Variants in VTI1A observed in about 807,000 individuals in gnomAD.
The protein encoded by VTI1A is vesicle transport through interaction with t-SNAREs homolog 1A.
VTI1A carries 22 observed loss-of-function variants against 34.9 expected under a neutral mutation model. That is an observed-to-expected ratio of 0.63 (90% CI 0.45 to 0.90). VTI1A has a LOEUF of 0.90. Ranked by LOEUF, VTI1A falls within the 40% of genes least tolerant of loss-of-function variation. The pLI, the probability that VTI1A is intolerant of heterozygous loss-of-function variation, is 0.00. For synonymous variants in VTI1A, 87 were observed against 97.3 expected, an observed-to-expected ratio of 0.89 and a Z score of 0.62; for missense variants, 268 against 275.6, an observed-to-expected ratio of 0.97 and a Z score of 0.20.
At chr10:112,469,916 T>A (rs1848022604) in intron 3 of VTI1A, among the ~76,000 whole-genome samples, 1 of 152,234 alleles carries the variant, frequency 6.6e-6, no homozygotes. Context: ...CTCCAGTGTC[T>A]GCCTCCTAAG....
At chr10:112,571,820 A>G (rs1008783478) in intron 5 of VTI1A, among the ~76,000 whole-genome samples, 1 of 152,180 alleles carries the variant, frequency 6.6e-6, no homozygotes, top group Non-Finnish European at 1.5e-5. Context: ...AAAAAAGAAC[A>G]CAATCATGTC....
At chr10:112,771,156 G>T (rs1851804773) in intron 7 of VTI1A, among the ~76,000 whole-genome samples, 1 of 152,200 alleles carries the variant, frequency 6.6e-6, no homozygotes, top group South Asian at 2.1e-4. Flanking sequence ...TCAAACCCAG[G>T]CACTGCCTCT....
chr10:112,657,803 TTGTG>T (rs142005527), intron 5 of VTI1A, among the ~76,000 whole-genome samples: 2 of 108,838 alleles, frequency 1.8e-5, no homozygotes, highest in Non-Finnish European at 4.1e-5. Flanking sequence ...GAACACTATA[TTGTG>T]TGTGTGTGTG....
chr10:112,585,461 C>G (rs1235928793), intron 5 of VTI1A, among the ~76,000 whole-genome samples: 1 of 152,124 alleles, frequency 6.6e-6, no homozygotes, highest in Non-Finnish European at 1.5e-5. Flanking sequence ...CATGAAAGAA[C>G]TTTCTGTACA....
At chr10:112,509,116 A>G (rs561821836) in intron 3 of VTI1A, among the ~76,000 whole-genome samples, 1 of 152,340 alleles carries the variant, frequency 6.6e-6, no homozygotes, top group African/African-American at 2.4e-5. Flanking sequence ...TTTGTATGCT[A>G]GAGGATAAAC....
chr10:112,631,963 A>T (rs1846146003), intron 5 of VTI1A, among the ~76,000 whole-genome samples: 2 of 152,214 alleles, frequency 1.3e-5, no homozygotes, highest in South Asian at 4.1e-4. Flanking sequence ...GTAATCTATG[A>T]ATCACTTATT....
At chr10:112,643,151 AT>A (rs200015635) in intron 5 of VTI1A, among the ~76,000 whole-genome samples, 8,724 of 123,330 alleles carry the variant, frequency 0.071, 804 homozygotes, top group East Asian at 0.37. Context: ...CACCTGGCTA[AT>A]TTTTTTTTTT....
intron 3 of VTI1A, among the ~76,000 whole-genome samples, chr10:112,500,276 A>G (rs1198682900): frequency 1.3e-5 from 2 of 151,994 alleles, no homozygotes; most frequent in Non-Finnish European, 2.9e-5. Flanking sequence ...CTCTACTACA[A>G]ATACAAAAAT....
chr10:112,447,337 C>G lies in VTI1A; in HGVS notation c.-37C>G. The G allele has an allele frequency of 6.2e-7, 1 of 1,603,564 alleles. No individual in the cohort carries two copies. Among genetic ancestry groups the G allele is most frequent in the Non-Finnish European group, 8.5e-7 (1 of 1,175,238 alleles). ...TGCCCCTCGAGGCCCTTTCCCTGAC[C>G]TAGGCTTTGGCCTGGGCTACTCGTT... On this transcript the variant is annotated 5_prime_UTR_variant, in exon 1 of 8. Coordinates refer to ENST00000393077, the MANE Select transcript of VTI1A (RefSeq NM_145206.4).
chr10:112,809,244 G>C (rs1853202323), intron 7 of VTI1A, among the ~76,000 whole-genome samples: 1 of 152,238 alleles, frequency 6.6e-6, no homozygotes, highest in African/African-American at 2.4e-5. Context: ...CAATTAAAGT[G>C]AGTGTTTGAG....
intron 5 of VTI1A, among the ~76,000 whole-genome samples, chr10:112,613,453 C>G (rs532746182): frequency 2.4e-4 from 37 of 152,266 alleles, no homozygotes; most frequent in African/African-American, 8.2e-4. Flanking sequence ...TGAGGTACTT[C>G]CTATGCTGTA....
intron 5 of VTI1A, among the ~76,000 whole-genome samples, chr10:112,600,667 C>T (rs1380847743): frequency 1.3e-5 from 2 of 152,182 alleles, no homozygotes; most frequent in Admixed American, 6.5e-5. Flanking sequence ...ATTGTCTTTT[C>T]TTCCCACGAG....
At chr10:112,851,267 C>T in the VTI1A span, among the ~76,000 whole-genome samples, 1 of 152,138 alleles carries the variant, frequency 6.6e-6, no homozygotes, top group Non-Finnish European at 1.5e-5. Context: ...TTCTGGGTCG[C>T]CTGTGATATT....
intron 5 of VTI1A, among the ~76,000 whole-genome samples, chr10:112,647,696 A>G (rs1181548861): frequency 2.6e-5 from 4 of 152,360 alleles, no homozygotes; most frequent in South Asian, 2.1e-4. Flanking sequence ...TTATCAGTAT[A>G]GAAAGGATTC....
intron 7 of VTI1A, chr10:112,671,809 C>T (rs938054832): frequency 6.6e-6 from 1 of 152,180 alleles, no homozygotes; most frequent in Non-Finnish European, 1.5e-5. Flanking sequence ...ATCTACCACT[C>T]ATGCTTTTTA....
At chr10:112,618,055 G>A (rs556569369) in intron 5 of VTI1A, among the ~76,000 whole-genome samples, 139 of 152,244 alleles carry the variant, frequency 9.1e-4, no homozygotes, top group African/African-American at 3.1e-3. Context: ...TTGGGAGGCT[G>A]AAGCAGGAGA....
the VTI1A span, among the ~76,000 whole-genome samples, chr10:112,845,369 G>A: frequency 6.6e-6 from 1 of 152,234 alleles, no homozygotes; most frequent in Admixed American, 6.5e-5. Context: ...GGTTGGCACA[G>A]GTGGCTGGAG....
intron 7 of VTI1A, among the ~76,000 whole-genome samples, chr10:112,743,205 C>T (rs12244694): frequency 1.3e-5 from 2 of 152,258 alleles, no homozygotes; most frequent in East Asian, 1.9e-4. Context: ...AGAGGTTAAA[C>T]GTACCATCCC....
intron 7 of VTI1A, among the ~76,000 whole-genome samples, chr10:112,702,730 C>T (rs552727844): frequency 1.3e-5 from 2 of 152,322 alleles, no homozygotes; most frequent in Non-Finnish European, 2.9e-5. Flanking sequence ...GGATTACAGG[C>T]ACATGCCACC....
Sources: gnomAD v4.1 joint callset for allele counts (sites outside exome capture counted in the v4.1 genomes callset) on GRCh38, gnomAD v4.1.1 for gene constraint, MANE v1.5 for transcripts, NCBI Gene and HGNC (gene_info 2026-07-23, HGNC 2026-07-21) for gene names.